Variants in ADGRV1 observed in about 807,000 individuals in gnomAD.
The protein encoded by ADGRV1 is G-protein coupled receptor 98.
Under a neutral mutation model 596.2 loss-of-function variants are expected in ADGRV1, and 359 were observed. The observed-to-expected ratio is 0.60, with a 90% CI of 0.55 to 0.66. The LOEUF (loss-of-function observed/expected upper bound fraction) is 0.66, where lower values mean the gene tolerates loss of function less well. Among genes scored for constraint, ADGRV1 ranks in the 30% least tolerant of loss-of-function variants. The pLI is 0.00. For synonymous variants in ADGRV1, 2,681 were observed against 2,679.2 expected, an observed-to-expected ratio of 1.00 and a Z score of -0.02; for missense variants, 7,274 against 7,575.6, an observed-to-expected ratio of 0.96 and a Z score of 1.48.
In ADGRV1 at chr5:90,863,751, C is replaced by A; in HGVS notation, c.17756-6C>A. Reference sequence around the variant, plus strand: ...AAACCATATGTGGACTTTTTTGTTCCTACAGGTCTTTGCTTGGCTGTTCTT... The same window carrying A: ...AAACCATATGTGGACTTTTTTGTTCATACAGGTCTTTGCTTGGCTGTTCTT... On this transcript the variant is annotated splice_polypyrimidine_tract_variant and splice_region_variant and intron_variant, in intron 82 of 89. Coordinates refer to ENST00000405460, the MANE Select transcript of ADGRV1 (RefSeq NM_032119.4). 6.2e-7 allele frequency: 1 copy of A among 1,605,738 alleles called. No homozygotes were observed. The highest frequency in any genetic ancestry group is 8.5e-7 in the Non-Finnish European group (1 of 1,172,662).
chr5:90,980,102 TA>T (rs1490880464), intron 84 of ADGRV1, among the ~76,000 whole-genome samples: 4 of 152,204 alleles, frequency 2.6e-5, no homozygotes, highest in African/African-American at 7.2e-5. Context: ...CAAGTACAGT[TA>T]CCTAGGTGAT....
At chr5:91,058,575 AAT>A (rs1283113337) in intron 85 of ADGRV1, among the ~76,000 whole-genome samples, 1 of 151,966 alleles carries the variant, frequency 6.6e-6, no homozygotes, top group Admixed American at 6.6e-5. Context: ...CCCCTGAACC[AAT>A]AGTCAATTTA....
intron 25 of ADGRV1, among the ~76,000 whole-genome samples, chr5:90,679,252 A>G (rs1744630772): frequency 1.3e-5 from 2 of 151,194 alleles, no homozygotes; most frequent in African/African-American, 2.4e-5. Context: ...AAAATAATTT[A>G]CGTTGGTGTA....
chr5:90,739,487 T>C (rs1335973446), intron 50 of ADGRV1, among the ~76,000 whole-genome samples: 1 of 152,206 alleles, frequency 6.6e-6, no homozygotes, highest in African/African-American at 2.4e-5. Flanking sequence ...GTTGGGTTAG[T>C]TGGTAGTGAC....
At chr5:91,106,585 ATTC>A (rs1251550963) in intron 87 of ADGRV1, among the ~76,000 whole-genome samples, 2 of 152,192 alleles carry the variant, frequency 1.3e-5, no homozygotes, top group African/African-American at 4.8e-5. Flanking sequence ...AACAATATTA[ATTC>A]TTCTGACCCA....
At chr5:91,129,132 C>G (rs1385699267) in intron 87 of ADGRV1, among the ~76,000 whole-genome samples, 1 of 152,202 alleles carries the variant, frequency 6.6e-6, no homozygotes, top group African/African-American at 2.4e-5. Context: ...TTAGAACTAT[C>G]TCTGAAATTC....
intron 73 of ADGRV1, 90 bp downstream of exon 73, chr5:90,807,827 C>CCTG: frequency 1.8e-6 from 2 of 1,138,652 alleles, no homozygotes; most frequent in South Asian, 2.2e-5. Flanking sequence ...AAGGGTTATT[C>CCTG]TCCTTGAAGC....
chr5:90,827,343 G>C (rs1289125317), intron 76 of ADGRV1, among the ~76,000 whole-genome samples: 1 of 152,100 alleles, frequency 6.6e-6, no homozygotes, highest in African/African-American at 2.4e-5. Context: ...TGTTTCAATA[G>C]AGTGTTTATT....
Position 90,780,614 on chromosome 5 carries a change from T to G in ADGRV1, c.13083-816T>G, listed in dbSNP as rs542469921. Among the ~76,000 whole-genome samples, 12 of 152,330 alleles carry G rather than the reference T, an allele frequency of 7.9e-5. No individual in the cohort carries two copies. The South Asian group carries it at 2.5e-3, about 32-fold the overall frequency. On this transcript the variant is annotated intron_variant, in intron 64 of 89. Transcript: ENST00000405460. ...TACAGAAGTAAACTACCATCTATATTAAGGATAGAGGAATTGATTATGATT... is the reference window on the plus strand; with the variant it reads ...TACAGAAGTAAACTACCATCTATATGAAGGATAGAGGAATTGATTATGATT...
chr5:90,582,103 G>T (rs1429693661), intron 1 of ADGRV1, among the ~76,000 whole-genome samples: 3 of 149,526 alleles, frequency 2.0e-5, no homozygotes, highest in Non-Finnish European at 4.4e-5. Flanking sequence ...TTATGACCAA[G>T]CATGTGTTTT....
chr5:90,600,417 T>C (rs1310403030), intron 1 of ADGRV1, among the ~76,000 whole-genome samples: 2 of 152,186 alleles, frequency 1.3e-5, no homozygotes, highest in African/African-American at 4.8e-5. Flanking sequence ...TGGTTTTCTG[T>C]CCTTGTGATA....
In ADGRV1 at chr5:90,685,985, T is replaced by C; in HGVS notation, c.6480T>C (p.Thr2160=). The C allele has an allele frequency of 6.3e-7, 1 of 1,576,748 alleles. No homozygotes were observed. The highest frequency in any genetic ancestry group is 8.6e-7 in the Non-Finnish European group (1 of 1,157,834). Residue 2160 remains threonine (T), a synonymous_variant, in exon 29 of 90, where the codon ACT becomes ACC. Coordinates refer to ENST00000405460, the MANE Select transcript of ADGRV1 (RefSeq NM_032119.4). The stretch of plus-strand genomic sequence containing the variant: ...TGAAGTTTAAAGCTGTGCCAATAAC[T>C]GCAATAGCTGGTAAGAAAAGACATC... ...VSVKFKAVPI[T]AIAGEDYSIA...
At chr5:90,831,441 T>C (rs1764521497) in intron 77 of ADGRV1, among the ~76,000 whole-genome samples, 2 of 152,154 alleles carry the variant, frequency 1.3e-5, no homozygotes, top group Non-Finnish European at 2.9e-5. Flanking sequence ...TGTAGGTACA[T>C]AGTAGATGTA....
intron 85 of ADGRV1, among the ~76,000 whole-genome samples, chr5:91,068,319 A>T (rs150917071): frequency 0.011 from 1,735 of 151,966 alleles, 36 homozygotes; most frequent in African/African-American, 0.04. Flanking sequence ...AAACAAAAAA[A>T]TTAGCTGGGC....
chr5:91,090,143 A>G (rs1427374296), intron 86 of ADGRV1, among the ~76,000 whole-genome samples: 2 of 152,176 alleles, frequency 1.3e-5, no homozygotes, highest in African/African-American at 4.8e-5. Flanking sequence ...CATAGTTTCA[A>G]TAATTTTTTT....
At chr5:90,837,852 C>A (rs2150350325) in intron 77 of ADGRV1, among the ~76,000 whole-genome samples, 1 of 152,284 alleles carries the variant, frequency 6.6e-6, no homozygotes, top group South Asian at 2.1e-4. Flanking sequence ...ATAAAACTTT[C>A]CATTATGAAC....
chr5:91,139,463 G>A (rs1286748073), intron 87 of ADGRV1, among the ~76,000 whole-genome samples: 1 of 152,192 alleles, frequency 6.6e-6, no homozygotes, highest in African/African-American at 2.4e-5. Flanking sequence ...TCATTTGCAG[G>A]AAAGCACACC....
At chr5:91,065,286 G>A (rs548862289) in intron 85 of ADGRV1, among the ~76,000 whole-genome samples, 3 of 152,176 alleles carry the variant, frequency 2.0e-5, no homozygotes, top group East Asian at 3.9e-4. Context: ...ACCTCTGAGG[G>A]AGGCTGGCAC....
At chr5:90,765,165 T>C (rs1015469363) in intron 59 of ADGRV1, among the ~76,000 whole-genome samples, 3 of 152,104 alleles carry the variant, frequency 2.0e-5, no homozygotes, top group African/African-American at 4.8e-5. Context: ...AACTGGGCCT[T>C]TCACCAGTAA....
Sources: allele counts gnomAD v4.1 joint callset (sites outside exome capture counted in the v4.1 genomes callset), GRCh38; gene constraint gnomAD v4.1.1; transcripts MANE v1.5; gene names NCBI Gene and HGNC (gene_info 2026-07-23, HGNC 2026-07-21).